The following SNAP25 variants were observed in gnomAD, a reference collection of about 807,000 sequenced individuals.
The protein encoded by SNAP25 is synaptosomal-associated protein 25.
Under a neutral mutation model 28.7 loss-of-function variants are expected in SNAP25, and 3 were observed. That is an observed-to-expected ratio of 0.10 (90% CI 0.05 to 0.27). SNAP25 has a LOEUF of 0.27. SNAP25 is among the 10% of genes least tolerant of loss of function. The pLI, the probability that SNAP25 is intolerant of heterozygous loss-of-function variation, is 1.00. For synonymous variants in SNAP25, 61 were observed against 88.1 expected, an observed-to-expected ratio of 0.69 and a Z score of 1.72; for missense variants, 117 against 278.7, an observed-to-expected ratio of 0.42 and a Z score of 4.13.
intron 1 of SNAP25, among the ~76,000 whole-genome samples, chr20:10,267,635 C>T (rs2063527464): frequency 6.6e-6 from 1 of 152,280 alleles, no homozygotes. Context: ...TCACTACAAC[C>T]TCCGCCTCCC....
intron 1 of SNAP25, among the ~76,000 whole-genome samples, chr20:10,274,581 C>T (rs13039527): frequency 0.093 from 14,168 of 152,236 alleles, 807 homozygotes; most frequent in East Asian, 0.18. Flanking sequence ...CGGTGGCTCA[C>T]GCCTGTAATC....
chr20:10,303,687 G>A (rs899400117), intron 7 of SNAP25, among the ~76,000 whole-genome samples: 17 of 152,116 alleles, frequency 1.1e-4, no homozygotes, highest in Non-Finnish European at 1.9e-4. Context: ...AGTCAGGGAA[G>A]GACAAAAGAA....
chr20:10,285,158 A>G (rs1265366073), intron 4 of SNAP25, among the ~76,000 whole-genome samples: 1 of 152,206 alleles, frequency 6.6e-6, no homozygotes, highest in Non-Finnish European at 1.5e-5. Flanking sequence ...GAATGAGCGT[A>G]TGGCATATCA....
At chr20:10,220,934 G>A (rs1440201835) in intron 1 of SNAP25, among the ~76,000 whole-genome samples, 1 of 152,116 alleles carries the variant, frequency 6.6e-6, no homozygotes, top group Non-Finnish European at 1.5e-5. Flanking sequence ...AGATGACCAT[G>A]TGTTTCCATG....
intron 4 of SNAP25, 200 bp from the exon 5 acceptor site, chr20:10,292,961 A>G (rs2064031553): frequency 6.2e-7 from 1 of 1,613,682 alleles, no homozygotes; most frequent in Non-Finnish European, 8.5e-7. Context: ...TAAAAGATTT[A>G]GGGAAATGCT....
chr20:10,281,887 T>C (rs2063783909), intron 3 of SNAP25, among the ~76,000 whole-genome samples: 1 of 152,066 alleles, frequency 6.6e-6, no homozygotes, highest in Non-Finnish European at 1.5e-5. Context: ...ATAACTACTG[T>C]GAGAAATTAT....
rs535558663 is a variant in SNAP25 at position 10,268,618 on chromosome 20, A to G, written c.-63-6811A>G. On this transcript the variant is annotated intron_variant, in intron 1 of 7. Transcript: ENST00000254976. The stretch of plus-strand genomic sequence containing the variant: ...ACCTCTCTTCCTGGGCCCTAAACTC[A>G]TATTTCAGTTCAGAGTCTTCAGCAG... Among the ~76,000 whole-genome samples, 149 of 152,224 alleles carry G rather than the reference A, an allele frequency of 9.8e-4. 1 individual carries two copies. Among genetic ancestry groups the G allele is most frequent in the African/African-American group, 3.4e-3 (141 of 41,532 alleles).
intron 1 of SNAP25, among the ~76,000 whole-genome samples, chr20:10,232,041 A>T (rs1372703460): frequency 6.6e-6 from 1 of 152,216 alleles, no homozygotes; most frequent in African/African-American, 2.4e-5. Flanking sequence ...AAAAGCAGAG[A>T]CGTAGCTGGA....
rs371174024 is a variant in SNAP25 at position 10,303,928 on chromosome 20, A to G, written c.553-2201A>G. 9.8e-5 allele frequency among the ~76,000 whole-genome samples: 15 copies of G among 152,352 alleles called. No individual in the cohort carries two copies. The East Asian group carries it at 2.9e-3, about 29-fold the overall frequency. ...TGCATCTGTTAAAGAAAAGACAGTT[A>G]TTAAACTCATAGAAATGAATCTTCA... is the stretch of plus-strand genomic sequence containing the variant. On this transcript the variant is annotated intron_variant, in intron 7 of 7. Coordinates refer to ENST00000254976, the MANE Select transcript of SNAP25 (RefSeq NM_130811.4).
chr20:10,293,409 A>G lies in SNAP25; in HGVS notation c.281+131A>G, dbSNP rs117857616. 3 of 665,752 alleles carry G rather than the reference A, an allele frequency of 4.5e-6. No individual in the cohort carries two copies. The highest frequency in any genetic ancestry group is 2.6e-5 in the East Asian group (1 of 38,428). The allele number at this position is 665,752 out of a possible 1,614,324, so 41.2% of individuals were successfully genotyped here. ...GCAGAACAGATCAATACCGTCTCCA[A>G]TGCATTCATCTCATAGCATAGATGA... On this transcript the variant is annotated intron_variant, in intron 5 of 7. Transcript: ENST00000254976. This position sits in a 1 kb window ranked among gnomAD's most constrained non-coding sequence, Gnocchi z 5.6.
Position 10,284,716 on chromosome 20 carries a change from G to C in SNAP25, c.115-8G>C, listed in dbSNP as rs1465660927. On this transcript the variant is annotated splice_polypyrimidine_tract_variant and splice_region_variant and intron_variant, in intron 3 of 7. Transcript: ENST00000254976. ...CTTTTCAACTTTGCTACCATTATTGGAATGTAGAGTAAAGATGCTGGTATC... is the reference window on the plus strand; with the variant it reads ...CTTTTCAACTTTGCTACCATTATTGCAATGTAGAGTAAAGATGCTGGTATC... The C allele has an allele frequency of 6.2e-7, 1 of 1,610,946 alleles. No individual in the cohort carries two copies. The highest frequency in any genetic ancestry group is 1.1e-5 in the South Asian group (1 of 90,954).
chr20:10,299,160 G>C (rs1399260479), intron 6 of SNAP25, 108 bp from the exon 7 acceptor site: 6 of 1,242,758 alleles, frequency 4.8e-6, no homozygotes, highest in Non-Finnish European at 6.7e-6. Flanking sequence ...ATTAAAGATA[G>C]ATAAAGTTGA....
intron 6 of SNAP25, among the ~76,000 whole-genome samples, chr20:10,298,779 T>G (rs1442753775): frequency 6.6e-6 from 1 of 152,226 alleles, no homozygotes; most frequent in African/African-American, 2.4e-5. Context: ...TGAAAAGAGA[T>G]GAGCACAGAG....
chr20:10,224,274 T>TTTTTTTTTTTTTTTTTTTTTTTTTC (rs2062692557), intron 1 of SNAP25, among the ~76,000 whole-genome samples: 1 of 132,872 alleles, frequency 7.5e-6, no homozygotes, highest in Non-Finnish European at 1.6e-5. Flanking sequence ...TTTTTTTTTT[T>TTTTTTTTTTTTTTTTTTTTTTTTTC]TTTTTTTTTT....
chr20:10,256,249 T>C (rs1384587317), intron 1 of SNAP25, among the ~76,000 whole-genome samples: 2 of 152,230 alleles, frequency 1.3e-5, no homozygotes, highest in Non-Finnish European at 1.5e-5. Flanking sequence ...ATCTTTCAAG[T>C]CTATCCGCTA....
chr20:10,269,072 A>C (rs1382470825), intron 1 of SNAP25, among the ~76,000 whole-genome samples: 2 of 152,184 alleles, frequency 1.3e-5, no homozygotes, highest in Non-Finnish European at 2.9e-5. Flanking sequence ...ATCAAAGGCA[A>C]ATTTGTTTTT....
rs1174304679 is a variant in SNAP25 at position 10,281,069 on chromosome 20, C to G, written c.114+3343C>G. Among the ~76,000 whole-genome samples, 4 of 152,058 alleles carry G rather than the reference C, an allele frequency of 2.6e-5. No individual in the cohort carries two copies. In the Middle Eastern group the frequency reaches 0.014, roughly 517 times the overall value. On this transcript the variant is annotated intron_variant, in intron 3 of 7. Transcript: ENST00000254976. ...TTCTATAAAGATTGTCTTAGTTCAT[C>G]TGGAAAAATTTTTTTAAAAATTAAA...
At chr20:10,227,172 A>C (rs1471901301) in intron 1 of SNAP25, among the ~76,000 whole-genome samples, 1 of 152,132 alleles carries the variant, frequency 6.6e-6, no homozygotes, top group South Asian at 2.1e-4. Flanking sequence ...TTAATTTCCC[A>C]AACTCCTACT....
intron 1 of SNAP25, among the ~76,000 whole-genome samples, chr20:10,234,779 C>G (rs948999016): frequency 8.5e-5 from 13 of 152,276 alleles, no homozygotes; most frequent in African/African-American, 3.1e-4. Flanking sequence ...GAGTTGAATT[C>G]AAGCAGTCTC....
Sources: gnomAD v4.1 joint callset for allele counts (sites outside exome capture counted in the v4.1 genomes callset) on GRCh38, gnomAD v4.1.1 for gene constraint, Gnocchi (gnomAD v3.1) non-coding constraint, MANE v1.5 for transcripts, NCBI Gene and HGNC (gene_info 2026-07-23, HGNC 2026-07-21) for gene names.